Variants in VSX2 observed in about 807,000 individuals in gnomAD.
VSX2 encodes ceh-10 homeo domain containing homolog.
In VSX2, 28 loss-of-function variants were observed where a neutral mutation model predicts 32.1. The ratio of observed to expected loss-of-function variants is 0.87; its 90% CI spans 0.65 to 1.20. The LOEUF (loss-of-function observed/expected upper bound fraction) is 1.20. VSX2 is among the 50% of genes most tolerant of loss of function. VSX2 has a pLI of 0.00. For synonymous variants in VSX2, 243 were observed against 214.1 expected, an observed-to-expected ratio of 1.14 and a Z score of -1.18; for missense variants, 506 against 488.7, an observed-to-expected ratio of 1.04 and a Z score of -0.33.
intron 3 of VSX2, 81 bp downstream of exon 3, chr14:74,245,369 A>C (rs1594754689): frequency 6.3e-7 from 1 of 1,581,982 alleles, no homozygotes; most frequent in Non-Finnish European, 8.6e-7. Context: ...GATGCCCATG[A>C]CCCCGCCTCC....
intron 3 of VSX2, among the ~76,000 whole-genome samples, chr14:74,251,705 G>A (rs1219538234): frequency 6.6e-6 from 1 of 152,136 alleles, no homozygotes; most frequent in Non-Finnish European, 1.5e-5. Context: ...AATGTGGTCG[G>A]AGCTGCCCCC....
chr14:74,246,334 G>C (rs2079191615), intron 3 of VSX2, among the ~76,000 whole-genome samples: 1 of 152,078 alleles, frequency 6.6e-6, no homozygotes, highest in Admixed American at 6.6e-5. Flanking sequence ...TGTGTGCCTG[G>C]GAGGCCGGGG....
intron 3 of VSX2, among the ~76,000 whole-genome samples, chr14:74,246,668 G>A (rs1797979254): frequency 6.6e-6 from 1 of 152,190 alleles, no homozygotes; most frequent in Admixed American, 6.5e-5. Context: ...CCCCTGCCTG[G>A]CCTTCATTAG....
chr14:74,259,201 C>A (rs2079286738), intron 3 of VSX2, among the ~76,000 whole-genome samples: 1 of 152,220 alleles, frequency 6.6e-6, no homozygotes, highest in Admixed American at 6.5e-5. Flanking sequence ...GCCAGAGACA[C>A]TGCTAGTCCA....
At chr14:74,244,052 G>A (rs565834988) in intron 2 of VSX2, among the ~76,000 whole-genome samples, 28 of 152,278 alleles carry the variant, frequency 1.8e-4, no homozygotes, top group African/African-American at 6.7e-4. Flanking sequence ...TGAAATTAAG[G>A]TTTGAAAAGA....
chr14:74,259,762 C>T lies in VSX2; in HGVS notation c.740C>T (p.Ser247Phe), dbSNP rs1055109142. 2.5e-6 allele frequency: 4 copies of T among 1,613,370 alleles called. No individual in the cohort carries two copies. Among genetic ancestry groups the T allele is most frequent in the Admixed American group, 3.3e-5 (2 of 59,940 alleles). Residue 247 changes from serine to phenylalanine, a missense_variant, in exon 4 of 5, where the codon TCC becomes TTC. Transcript: ENST00000261980. ...TCAGCCAAGGATGGCATCATGGACT[C>T]CTGTGCCCCGTGGCTACTGGGTAAG... ...LKSAKDGIMD[S>F]CAPWLLGMHK...
intron 2 of VSX2, among the ~76,000 whole-genome samples, chr14:74,242,000 G>C (rs2079153290): frequency 6.6e-6 from 1 of 152,160 alleles, no homozygotes; most frequent in South Asian, 2.1e-4. Context: ...CTTGCACAAA[G>C]TTAAAACTCA....
At chr14:74,249,741 T>C (rs1035810083) in intron 3 of VSX2, among the ~76,000 whole-genome samples, 4 of 152,158 alleles carry the variant, frequency 2.6e-5, no homozygotes, top group Non-Finnish European at 5.9e-5. Flanking sequence ...TGCCTCTCTA[T>C]ACAAACTGTA....
chr14:74,257,714 C>A (rs1566887804), intron 3 of VSX2, among the ~76,000 whole-genome samples: 1 of 149,832 alleles, frequency 6.7e-6, no homozygotes, highest in East Asian at 2.0e-4. Context: ...GGACCACCCC[C>A]CACCCACTTC....
At position 74,239,691 on chromosome 14, in the gene VSX2, C is replaced by T; in HGVS notation, c.130C>T (p.Pro44Ser). ...GGAGATCCTGGGCTTGAACAAGGAG[C>T]CCCCGAGCTCCCACCCGCGGGCAGC... ...IQEILGLNKE[P>S]PSSHPRAALD... Residue 44 changes from proline to serine, a missense_variant, in exon 1 of 5, where the codon CCC becomes TCC. Physicochemically the swap from Pro to Ser is moderately conservative, Grantham distance 74. Transcript: ENST00000261980. 6.5e-7 allele frequency: 1 copy of T among 1,549,930 alleles called. No homozygotes were observed. The highest frequency in any genetic ancestry group is 2.4e-5 in the East Asian group (1 of 40,912).
chr14:74,254,784 A>ATTTTTTTTTTTTT lies in VSX2; in HGVS notation c.580-4817_580-4805dup, dbSNP rs537753574. On this transcript the variant is annotated intron_variant, in intron 3 of 4. Coordinates refer to ENST00000261980, the MANE Select transcript of VSX2 (RefSeq NM_182894.3). ...ATCCTCCAAAAACCCCGAAAAGTGG[A>ATTTTTTTTTTTTT]TTTTTTTTTTTTTGAGACGCAGTCT... Among the ~76,000 whole-genome samples the ATTTTTTTTTTTTT allele has an allele frequency of 2.7e-3, 320 of 116,610 alleles. 36 individuals carry two copies. The highest frequency in any genetic ancestry group is 9.7e-3 in the African/African-American group (293 of 30,312). 76.5% of individuals were successfully genotyped at this position (116,610 alleles called of 152,430 possible). A position where few individuals can be genotyped will look rare whatever the true frequency, so the allele number is the denominator to read the frequency against.
intron 2 of VSX2, among the ~76,000 whole-genome samples, chr14:74,242,441 C>T (rs1489625748): frequency 6.6e-6 from 1 of 152,208 alleles, no homozygotes; most frequent in East Asian, 1.9e-4. Context: ...CCTTTTAAAA[C>T]GGCCTATCCT....
chr14:74,252,169 G>T (rs1247281507), intron 3 of VSX2, among the ~76,000 whole-genome samples: 2 of 152,364 alleles, frequency 1.3e-5, no homozygotes, highest in East Asian at 3.9e-4. Flanking sequence ...GAGGAGGTGT[G>T]AGGCATGGCC....
At chr14:74,240,450 G>T (rs886398363) in intron 1 of VSX2, among the ~76,000 whole-genome samples, 3 of 152,108 alleles carry the variant, frequency 2.0e-5, no homozygotes, top group Non-Finnish European at 4.4e-5. Context: ...CGGCCATCGC[G>T]GCAGCTAAAG....
intron 3 of VSX2, among the ~76,000 whole-genome samples, chr14:74,256,750 T>G (rs2079265903): frequency 6.8e-6 from 1 of 146,764 alleles, no homozygotes; most frequent in Non-Finnish European, 1.5e-5. Flanking sequence ...CTCGGCTCAC[T>G]GCAACCTCCA....
In VSX2 at chr14:74,242,426, C is replaced by G. The variant is rs117447114; in HGVS notation, c.455+1160C>G. On this transcript the variant is annotated intron_variant, in intron 2 of 4. Transcript: ENST00000261980. ...GGCCCTGGGAAACTCCACTGTTGACCGCCACCTTTTAAAACGGCCTATCCT... is the reference window on the plus strand; with the variant it reads ...GGCCCTGGGAAACTCCACTGTTGACGGCCACCTTTTAAAACGGCCTATCCT... Among the ~76,000 whole-genome samples the G allele has an allele frequency of 3.1e-3, 472 of 152,270 alleles. 13 individuals carry two copies. In the East Asian group the frequency reaches 0.056, roughly 18 times the overall value.
chr14:74,240,513 G>T (rs1415704448), intron 1 of VSX2, among the ~76,000 whole-genome samples: 1 of 148,606 alleles, frequency 6.7e-6, no homozygotes, highest in Non-Finnish European at 1.5e-5. Flanking sequence ...GCCCGGGGAC[G>T]CGCGGGCTCG....
rs1327405313 is a variant in VSX2 at position 74,260,583 on chromosome 14, A to C, written c.761-11A>C. 6.3e-7 allele frequency: 1 copy of C among 1,594,522 alleles called. No individual in the cohort carries two copies. Among genetic ancestry groups the C allele is most frequent in the African/African-American group, 1.3e-5 (1 of 74,888 alleles). The stretch of plus-strand genomic sequence containing the variant: ...GCTTTTCTAAACCCGAATACCAACA[A>C]TTCTTTCTAGGGATGCACAAAAAGT... On this transcript the variant is annotated splice_polypyrimidine_tract_variant and intron_variant, in intron 4 of 4. Coordinates refer to ENST00000261980, the MANE Select transcript of VSX2 (RefSeq NM_182894.3).
At chr14:74,257,704 G>A (rs1433855114) in intron 3 of VSX2, among the ~76,000 whole-genome samples, 2 of 117,224 alleles carry the variant, frequency 1.7e-5, no homozygotes, top group African/African-American at 7.5e-5. Context: ...AGGAGCGCGC[G>A]GACCACCCCC....
Sources: allele counts gnomAD v4.1 joint callset (sites outside exome capture counted in the v4.1 genomes callset), GRCh38; gene constraint gnomAD v4.1.1; transcripts MANE v1.5; gene names NCBI Gene and HGNC (gene_info 2026-07-23, HGNC 2026-07-21).